The following ZNF385B variants were observed in gnomAD, a reference collection of about 807,000 sequenced individuals.
ZNF385B encodes the protein zinc finger protein 385B, also known as zinc finger protein 533.
In ZNF385B, 23 loss-of-function variants were observed where a neutral mutation model predicts 39.2. That is an observed-to-expected ratio of 0.59 (90% CI 0.42 to 0.83). The LOEUF is 0.83. Ranked by LOEUF, ZNF385B falls within the 40% of genes least tolerant of loss-of-function variation. The pLI is 0.00. For synonymous variants in ZNF385B, 205 were observed against 222.6 expected (o/e 0.92, Z 0.70); for missense variants, 552 against 598.9 (o/e 0.92, Z 0.82).
intron 3 of ZNF385B, among the ~76,000 whole-genome samples, chr2:179,600,447 A>C (rs1220393578): frequency 6.6e-6 from 1 of 152,222 alleles, no homozygotes; most frequent in African/African-American, 2.4e-5. Flanking sequence ...TTCTGCAGGC[A>C]AGTCAACAAG....
intron 5 of ZNF385B, among the ~76,000 whole-genome samples, chr2:179,495,558 A>T (rs2056114767): frequency 6.6e-6 from 1 of 152,212 alleles, no homozygotes; most frequent in Non-Finnish European, 1.5e-5. Flanking sequence ...GGTAAGACCC[A>T]GTGCTGTGCT....
At chr2:179,789,897 G>C (rs1705224573) in intron 1 of ZNF385B, among the ~76,000 whole-genome samples, 1 of 152,096 alleles carries the variant, frequency 6.6e-6, no homozygotes, top group Non-Finnish European at 1.5e-5. Context: ...TCATGAACCA[G>C]TAATGAGTAT....
chr2:179,545,075 G>C (rs1247733622), intron 3 of ZNF385B, 106 bp from the exon 4 acceptor site: 22 of 1,427,918 alleles, frequency 1.5e-5, no homozygotes, highest in Non-Finnish European at 2.1e-5. Context: ...TTGCAAGCAA[G>C]AGAGTTATGC....
At chr2:179,735,087 A>AAT (rs1365317958) in intron 3 of ZNF385B, among the ~76,000 whole-genome samples, 2 of 152,172 alleles carry the variant, frequency 1.3e-5, no homozygotes, top group Non-Finnish European at 2.9e-5. Flanking sequence ...CATCAGAGTG[A>AAT]ACAGGCAACC....
intron 1 of ZNF385B, among the ~76,000 whole-genome samples, chr2:179,778,829 CCA>C (rs1416826206): frequency 6.6e-6 from 1 of 152,054 alleles, no homozygotes; most frequent in Non-Finnish European, 1.5e-5. Flanking sequence ...CCAAAGTGAA[CCA>C]CAGTTTGTTA....
chr2:179,779,503 C>G (rs1704540431), intron 1 of ZNF385B, among the ~76,000 whole-genome samples: 1 of 152,152 alleles, frequency 6.6e-6, no homozygotes, highest in Non-Finnish European at 1.5e-5. Flanking sequence ...CAGATTTCAG[C>G]TGTGAAAAAA....
At chr2:179,598,607 AC>A in intron 3 of ZNF385B, among the ~76,000 whole-genome samples, 1 of 152,120 alleles carries the variant, frequency 6.6e-6, no homozygotes, top group Non-Finnish European at 1.5e-5. Context: ...AAAAAATAAA[AC>A]CTCTATGTAT....
At chr2:179,528,518 T>C (rs989023341) in intron 4 of ZNF385B, among the ~76,000 whole-genome samples, 1 of 152,206 alleles carries the variant, frequency 6.6e-6, no homozygotes, top group Non-Finnish European at 1.5e-5. Flanking sequence ...TACAACAAAA[T>C]AATGTTTTTC....
intron 3 of ZNF385B, among the ~76,000 whole-genome samples, chr2:179,744,208 A>C (rs1308011336): frequency 6.6e-6 from 1 of 152,154 alleles, no homozygotes; most frequent in Non-Finnish European, 1.5e-5. Flanking sequence ...TGGATTAAAC[A>C]ATATAAAGGA....
chr2:179,664,804 T>C (rs1409301685), intron 3 of ZNF385B, among the ~76,000 whole-genome samples: 2 of 152,284 alleles, frequency 1.3e-5, no homozygotes, highest in Admixed American at 6.5e-5. Context: ...TAAATGTTTG[T>C]GCACATTTAC....
intron 6 of ZNF385B, among the ~76,000 whole-genome samples, chr2:179,447,332 T>A (rs2105551532): frequency 6.6e-6 from 1 of 152,212 alleles, no homozygotes; most frequent in East Asian, 1.9e-4. Context: ...ATCCAAAATA[T>A]AAGAGACCAA....
In ZNF385B at chr2:179,483,436, T is replaced by C; in HGVS notation, c.553-2A>G. 1.2e-6 allele frequency: 2 copies of C among 1,613,850 alleles called. No individual in the cohort carries two copies. The highest frequency in any genetic ancestry group is 1.7e-6 in the Non-Finnish European group (2 of 1,179,788). Reference sequence around the variant, plus strand: ...TTTGTAGTGGGCCTCGGCCTGGCTCTACAAAGGAGAACAAATCAGGCTCAT... The same window carrying C: ...TTTGTAGTGGGCCTCGGCCTGGCTCCACAAAGGAGAACAAATCAGGCTCAT... On this transcript the variant is annotated splice_acceptor_variant, in intron 5 of 9. Coordinates refer to ENST00000410066, the MANE Select transcript of ZNF385B (RefSeq NM_152520.6). LOFTEE classifies it high-confidence loss of function.
At chr2:179,814,276 A>G (rs1450644663) in intron 1 of ZNF385B, 2 of 236,672 alleles carry the variant, frequency 8.5e-6, no homozygotes, top group Non-Finnish European at 1.7e-5. Flanking sequence ...CTGCACCTCC[A>G]CAGCAGCTGG....
At chr2:179,711,880 C>CTTT (rs1700020238) in intron 3 of ZNF385B, among the ~76,000 whole-genome samples, 1 of 130,786 alleles carries the variant, frequency 7.6e-6, no homozygotes, top group African/African-American at 2.9e-5. Flanking sequence ...ATATAAACTG[C>CTTT]ATTTTTTTTT....
chr2:179,736,420 C>T (rs1044691520), intron 3 of ZNF385B, among the ~76,000 whole-genome samples: 19 of 151,952 alleles, frequency 1.3e-4, no homozygotes, highest in African/African-American at 4.1e-4. Flanking sequence ...ACTCATTGGA[C>T]CATTAAGCTT....
intron 5 of ZNF385B, among the ~76,000 whole-genome samples, chr2:179,505,570 C>G (rs2057180636): frequency 6.6e-6 from 1 of 152,062 alleles, no homozygotes; most frequent in Non-Finnish European, 1.5e-5. Flanking sequence ...GGGTAACCAC[C>G]TTAAGCTCAC....
At chr2:179,629,068 C>T (rs1690942018) in intron 3 of ZNF385B, among the ~76,000 whole-genome samples, 1 of 151,850 alleles carries the variant, frequency 6.6e-6, no homozygotes, top group African/African-American at 2.4e-5. Context: ...TTGACATGAC[C>T]CCAGTATTTC....
chr2:179,547,121 C>T (rs1006430443), intron 3 of ZNF385B, among the ~76,000 whole-genome samples: 1 of 149,350 alleles, frequency 6.7e-6, no homozygotes, highest in African/African-American at 2.5e-5. Context: ...GGTTATAATC[C>T]CATATCAGAT....
At chr2:179,668,252 C>T (rs1313779745) in intron 3 of ZNF385B, among the ~76,000 whole-genome samples, 1 of 152,138 alleles carries the variant, frequency 6.6e-6, no homozygotes, top group African/African-American at 2.4e-5. Context: ...ATTTTTTAAC[C>T]TCAAAATATT....
Sources: gnomAD v4.1 joint callset for allele counts (sites outside exome capture counted in the v4.1 genomes callset) on GRCh38, gnomAD v4.1.1 for gene constraint, MANE v1.5 for transcripts, NCBI Gene and HGNC (gene_info 2026-07-23, HGNC 2026-07-21) for gene names.